AFG2A: variants seen among roughly 807,000 people sequenced by gnomAD.
AFG2A encodes AAA ATPase AFG2A.
At chr4:123,211,842 G>A in the AFG2A span, among the ~76,000 whole-genome samples, 3 of 152,030 alleles carry the variant, frequency 2.0e-5, no homozygotes, top group Non-Finnish European at 4.4e-5. Flanking sequence ...TGCAGGCGAA[G>A]ACATATATTT....
chr4:123,271,708 A>G, the AFG2A span, among the ~76,000 whole-genome samples: 2 of 152,174 alleles, frequency 1.3e-5, no homozygotes, highest in Non-Finnish European at 2.9e-5. Flanking sequence ...GAGAGCAGAA[A>G]ATTACCTGGG....
the AFG2A span, among the ~76,000 whole-genome samples, chr4:122,996,928 T>C: frequency 6.6e-6 from 1 of 152,030 alleles, no homozygotes; most frequent in African/African-American, 2.4e-5. Flanking sequence ...AATTTTGCCT[T>C]TTTACTGCCT....
At chr4:123,240,777 G>A in the AFG2A span, among the ~76,000 whole-genome samples, 1 of 142,932 alleles carries the variant, frequency 7.0e-6, no homozygotes, top group Non-Finnish European at 1.5e-5. Flanking sequence ...AAATAACTAA[G>A]ATCAGAGCAG....
At chr4:122,973,374 A>G in the AFG2A span, among the ~76,000 whole-genome samples, 1 of 151,266 alleles carries the variant, frequency 6.6e-6, no homozygotes, top group Non-Finnish European at 1.5e-5. Flanking sequence ...TTTAAATTCA[A>G]GTACTTAATA....
chr4:122,930,803 T>C, the AFG2A span, among the ~76,000 whole-genome samples: 1 of 152,214 alleles, frequency 6.6e-6, no homozygotes, highest in East Asian at 1.9e-4. Flanking sequence ...TATGATGACC[T>C]ACAAACTAGT....
chr4:122,999,915 C>T, the AFG2A span, among the ~76,000 whole-genome samples: 4 of 152,074 alleles, frequency 2.6e-5, no homozygotes, highest in South Asian at 2.1e-4. Flanking sequence ...GCCATTTTCA[C>T]GATATTGATT....
the AFG2A span, among the ~76,000 whole-genome samples, chr4:123,012,644 G>A: frequency 5.3e-5 from 8 of 152,122 alleles, no homozygotes; most frequent in Admixed American, 3.3e-4. Flanking sequence ...TGGAGTTTTC[G>A]GTCCACGGAT....
the AFG2A span, among the ~76,000 whole-genome samples, chr4:123,145,466 C>A: frequency 6.6e-6 from 1 of 152,172 alleles, no homozygotes; most frequent in Admixed American, 6.5e-5. Context: ...ATAATAGTAG[C>A]AAATAATGCA....
chr4:123,058,249 T>C, the AFG2A span, among the ~76,000 whole-genome samples: 4 of 152,104 alleles, frequency 2.6e-5, no homozygotes, highest in Non-Finnish European at 5.9e-5. Flanking sequence ...CTCACAATCA[T>C]GGTGGAAGGC....
the AFG2A span, among the ~76,000 whole-genome samples, chr4:123,122,773 G>GT: frequency 5.9e-3 from 820 of 140,078 alleles, 11 homozygotes; most frequent in Middle Eastern, 0.016. Context: ...CATGTCATCT[G>GT]TTTTTTTGTT....
the AFG2A span, among the ~76,000 whole-genome samples, chr4:123,142,458 A>C: frequency 6.6e-6 from 1 of 152,322 alleles, no homozygotes; most frequent in Middle Eastern, 3.4e-3. Flanking sequence ...AAAGCATCAG[A>C]AAAACTAACA....
the AFG2A span, among the ~76,000 whole-genome samples, chr4:123,133,114 A>G: frequency 6.6e-6 from 1 of 152,060 alleles, no homozygotes; most frequent in East Asian, 1.9e-4. Context: ...TGCCAACCTA[A>G]ATAGCAGGCA....
At chr4:123,145,129 A>C in the AFG2A span, among the ~76,000 whole-genome samples, 1 of 152,044 alleles carries the variant, frequency 6.6e-6, no homozygotes, top group Non-Finnish European at 1.5e-5. Context: ...TGTGCCTTGC[A>C]TAGAGTTAAT....
chr4:123,068,020 G>A, the AFG2A span, among the ~76,000 whole-genome samples: 182 of 152,238 alleles, frequency 1.2e-3, 1 homozygote, highest in African/African-American at 4.0e-3. Flanking sequence ...ATTTGGAAAG[G>A]GGGCTTGACT....
chr4:123,236,137 CA>C, the AFG2A span, among the ~76,000 whole-genome samples: 1 of 152,094 alleles, frequency 6.6e-6, no homozygotes, highest in East Asian at 1.9e-4. Flanking sequence ...CCTGAAAATA[CA>C]AATACAAAAT....
the AFG2A span, among the ~76,000 whole-genome samples, chr4:122,998,373 A>C: frequency 6.6e-6 from 1 of 151,810 alleles, no homozygotes; most frequent in Admixed American, 6.6e-5. Flanking sequence ...AGGTTAGTTA[A>C]ATATGTATAC....
At chr4:123,144,019 G>A in the AFG2A span, among the ~76,000 whole-genome samples, 2 of 151,882 alleles carry the variant, frequency 1.3e-5, no homozygotes, top group African/African-American at 4.8e-5. Flanking sequence ...CAGACTTTTT[G>A]TTTAGTACTA....
the AFG2A span, among the ~76,000 whole-genome samples, chr4:123,125,476 G>A: frequency 6.6e-6 from 1 of 152,116 alleles, no homozygotes; most frequent in Admixed American, 6.5e-5. Flanking sequence ...AGTTTCTGTA[G>A]CTCATCTCAA....
At chr4:123,057,186 T>C in the AFG2A span, 13,073 of 1,613,138 alleles carry the variant, frequency 8.1e-3, 806 homozygotes, top group African/African-American at 0.14. Flanking sequence ...CATCTTTAGC[T>C]AATGTGGCAC....
Sources: gnomAD v4.1 joint callset for allele counts (sites outside exome capture counted in the v4.1 genomes callset) on GRCh38, gnomAD v4.1.1 for gene constraint, MANE v1.5 for transcripts, NCBI Gene and HGNC (gene_info 2026-07-23, HGNC 2026-07-21) for gene names.